The following WDR49 variants were observed in gnomAD, a reference collection of about 807,000 sequenced individuals.
WDR49 encodes the protein WD repeat domain 49, also known as cilia- and flagella-associated protein 337.
WDR49 carries 107 observed loss-of-function variants against 119.5 expected under a neutral mutation model. The ratio of observed to expected loss-of-function variants is 0.90; its 90% confidence interval spans 0.77 to 1.05. The LOEUF (loss-of-function observed/expected upper bound fraction) is 1.05, where lower values mean the gene tolerates loss of function less well. Among genes scored for constraint, WDR49 ranks in the 50% least tolerant of loss-of-function variants. The probability of loss-of-function intolerance (pLI) is 0.00; values close to 1 mark genes in which losing one functional copy is unlikely to be tolerated. For missense variants in WDR49, 1,240 were observed against 1,220.5 expected (o/e 1.02, Z -0.24); for synonymous variants, 425 against 418.8 (o/e 1.01, Z -0.18).
chr3:167,657,080 C>G (rs932913107), upstream of WDR49, among the ~76,000 whole-genome samples: 6 of 152,182 alleles, frequency 3.9e-5, 1 homozygote, highest in East Asian at 7.7e-4. Flanking sequence ...CAAATCCCTG[C>G]TCTCTCCTTC....
chr3:167,625,235 C>T (rs1206494894), intron 3 of WDR49, among the ~76,000 whole-genome samples: 5 of 151,930 alleles, frequency 3.3e-5, no homozygotes, highest in Admixed American at 1.3e-4. Context: ...TACCACGAAA[C>T]AAAGAAGCTT....
Position 167,600,305 on chromosome 3 carries a change from C to T in WDR49, c.1275+1822G>A, listed in dbSNP as rs544623074. Among the ~76,000 whole-genome samples, 6 of 152,156 alleles carry T rather than the reference C, an allele frequency of 3.9e-5. No homozygotes were observed. In the South Asian group the frequency reaches 1.2e-3, roughly 32 times the overall value. On this transcript the variant is annotated intron_variant, in intron 7 of 18. Coordinates refer to ENST00000682715, the MANE Select transcript of WDR49 (RefSeq NM_001366157.1). ...TCCCCCAAGTCTACTGGCTTTTAGCCCATCTCAGGCACTACGACTCACCTA... is the reference window on the plus strand; with the variant it reads ...TCCCCCAAGTCTACTGGCTTTTAGCTCATCTCAGGCACTACGACTCACCTA...
intron 10 of WDR49, among the ~76,000 whole-genome samples, chr3:167,541,845 G>T (rs114585605): frequency 0.016 from 2,434 of 152,110 alleles, 20 homozygotes; most frequent in Non-Finnish European, 0.024. Context: ...TTAAGGTAAA[G>T]GGGTGGAAAA....
chr3:167,630,621 A>G (rs532000231), intron 2 of WDR49, among the ~76,000 whole-genome samples: 59 of 152,238 alleles, frequency 3.9e-4, no homozygotes, highest in African/African-American at 1.4e-3. Flanking sequence ...TAACTTCTAT[A>G]CATATGCCAT....
chr3:167,478,814 C>A lies in WDR49; in HGVS notation c.*64G>T. 1.7e-6 allele frequency: 2 copies of A among 1,150,066 alleles called. No homozygotes were observed. The highest frequency in any genetic ancestry group is 1.2e-6 in the Non-Finnish European group (1 of 812,252). 71.2% of individuals were successfully genotyped at this position (1,150,066 alleles called of 1,614,324 possible). On this transcript the variant is annotated 3_prime_UTR_variant, in exon 19 of 19. Coordinates refer to ENST00000682715, the MANE Select transcript of WDR49 (RefSeq NM_001366157.1). ...ATAAAATAAAATAAAAGGCAGAATTCTTGATGCTTTTTCTGCATTTTATAT... is the reference window on the plus strand; with the variant it reads ...ATAAAATAAAATAAAAGGCAGAATTATTGATGCTTTTTCTGCATTTTATAT...
At chr3:167,615,443 TAA>T (rs57991972) in intron 5 of WDR49, among the ~76,000 whole-genome samples, 36,501 of 134,818 alleles carry the variant, frequency 0.27, 4,833 homozygotes, top group African/African-American at 0.35. Flanking sequence ...GCTCTCCATT[TAA>T]AAAAAAAAAA....
intron 2 of WDR49, among the ~76,000 whole-genome samples, chr3:167,629,464 T>A (rs1717271846): frequency 6.6e-6 from 1 of 152,034 alleles, no homozygotes; most frequent in South Asian, 2.1e-4. Flanking sequence ...TACAAGGGGA[T>A]TAATATTGTT....
rs113050251 is a variant in WDR49, at chr3:167,603,968, A to G, written c.1126+333T>C. Among the ~76,000 whole-genome samples the G allele has an allele frequency of 2.3e-3, 357 of 152,092 alleles. 1 individual carries two copies. Among genetic ancestry groups the G allele is most frequent in the African/African-American group, 8.0e-3 (332 of 41,502 alleles). On this transcript the variant is annotated intron_variant, in intron 6 of 18. Coordinates refer to ENST00000682715, the MANE Select transcript of WDR49 (RefSeq NM_001366157.1). ...CGAAAAAATGCATTTGTTTGGGTGG[A>G]GCATTTGGTGGTGTTAGGAAGATGG...
At chr3:167,592,373 GT>G (rs1012988363) in intron 7 of WDR49, among the ~76,000 whole-genome samples, 2 of 150,316 alleles carry the variant, frequency 1.3e-5, no homozygotes, top group African/African-American at 4.9e-5. Context: ...ATATTCTGTG[GT>G]TTTTTTGTGT....
intron 7 of WDR49, among the ~76,000 whole-genome samples, chr3:167,596,679 A>T (rs1202369616): frequency 7.8e-6 from 1 of 128,802 alleles, no homozygotes; most frequent in Non-Finnish European, 1.6e-5. Flanking sequence ...ATGAGAACAC[A>T]TGGACACAGG....
At chr3:167,580,864 C>T (rs1031039983) in intron 7 of WDR49, among the ~76,000 whole-genome samples, 2 of 152,052 alleles carry the variant, frequency 1.3e-5, no homozygotes, top group African/African-American at 4.8e-5. Flanking sequence ...TTTCAGATAT[C>T]CTAGAAGGGT....
chr3:167,597,092 C>T (rs116284497), intron 7 of WDR49, among the ~76,000 whole-genome samples: 2,520 of 152,272 alleles, frequency 0.017, 73 homozygotes, highest in African/African-American at 0.057. Context: ...TGGAGATCTT[C>T]GTCACAGGCC....
intron 8 of WDR49, 64 bp from the exon 9 acceptor site, chr3:167,560,292 A>G (rs574578186): frequency 4.4e-5 from 65 of 1,483,752 alleles, no homozygotes; most frequent in Non-Finnish European, 5.2e-5. Context: ...TTATATTTCA[A>G]TAAACATATC....
rs1577265273 is a variant in WDR49 at position 167,597,399 on chromosome 3, C to A, written c.1275+4728G>T. On this transcript the variant is annotated intron_variant, in intron 7 of 18. Coordinates refer to ENST00000682715, the MANE Select transcript of WDR49 (RefSeq NM_001366157.1). Reference sequence around the variant, plus strand: ...TGGATGTCCAGGCAGAAGTGGGCTGCAGGGAGCCCTCATGTAAAGCCTCCA... The same window carrying A: ...TGGATGTCCAGGCAGAAGTGGGCTGAAGGGAGCCCTCATGTAAAGCCTCCA... Among the ~76,000 whole-genome samples the A allele has an allele frequency of 2.0e-5, 3 of 152,320 alleles. No individual in the cohort carries two copies. The Middle Eastern group carries it at 0.01, about 518-fold the overall frequency.
chr3:167,577,915 A>T (rs1461857483), intron 7 of WDR49, among the ~76,000 whole-genome samples: 2 of 152,158 alleles, frequency 1.3e-5, no homozygotes, highest in Non-Finnish European at 2.9e-5. Context: ...CCACAGCCAT[A>T]TATATGTACA....
chr3:167,511,065 G>A lies in WDR49; in HGVS notation c.2775-5649C>T, dbSNP rs114988700. 4.5e-3 allele frequency among the ~76,000 whole-genome samples: 678 copies of A among 151,984 alleles called. 1 individual carries two copies. The highest frequency in any genetic ancestry group is 0.02 in the Middle Eastern group (6 of 294). ...AATAAAATGATTTATAATATTTTCC[G>A]TACTAGATGGAAAGCACAAAGGACA... On this transcript the variant is annotated intron_variant, in intron 16 of 18. Coordinates refer to ENST00000682715, the MANE Select transcript of WDR49 (RefSeq NM_001366157.1).
chr3:167,556,510 T>C (rs1479708001), intron 9 of WDR49, among the ~76,000 whole-genome samples: 1 of 152,230 alleles, frequency 6.6e-6, no homozygotes, highest in African/African-American at 2.4e-5. Flanking sequence ...AGAGCATCAT[T>C]AGATTAGTAG....
upstream of WDR49, among the ~76,000 whole-genome samples, chr3:167,657,820 T>C (rs1718640762): frequency 6.6e-6 from 1 of 152,200 alleles, no homozygotes; most frequent in Non-Finnish European, 1.5e-5. Context: ...AGGATGTTTT[T>C]CCCATCATCT....
chr3:167,608,861 T>A (rs868079567), intron 5 of WDR49, among the ~76,000 whole-genome samples: 1 of 152,142 alleles, frequency 6.6e-6, no homozygotes, highest in African/African-American at 2.4e-5. Context: ...AACAACTTGA[T>A]TATATTTATC....
Sources: allele counts gnomAD v4.1 joint callset (sites outside exome capture counted in the v4.1 genomes callset), GRCh38; gene constraint gnomAD v4.1.1; transcripts MANE v1.5; gene names NCBI Gene and HGNC (gene_info 2026-07-23, HGNC 2026-07-21).